Variants in KAT2B observed in about 807,000 individuals in gnomAD.
KAT2B encodes the protein lysine acetyltransferase 2B.
A neutral mutation model predicts 105.9 loss-of-function variants in KAT2B; 36 were observed. The ratio of observed to expected loss-of-function variants is 0.34; its 90% CI spans 0.26 to 0.45. KAT2B has a LOEUF of 0.45. KAT2B is among the 20% of genes least tolerant of loss of function. The pLI is 1.00. For synonymous variants in KAT2B, 397 were observed against 377.9 expected (o/e 1.05, Z -0.59); for missense variants, 820 against 1,021.6 (o/e 0.80, Z 2.69).
chr3:20,123,795 G>T (rs1379110360), intron 9 of KAT2B, among the ~76,000 whole-genome samples: 1 of 152,064 alleles, frequency 6.6e-6, no homozygotes, highest in Non-Finnish European at 1.5e-5. Context: ...TTTGTATAAG[G>T]TCCCTCTTTT....
At chr3:20,040,910 C>G in intron 1 of KAT2B, 130 bp downstream of exon 1, 1 of 1,147,584 alleles carries the variant, frequency 8.7e-7, no homozygotes, top group Non-Finnish European at 1.2e-6. Flanking sequence ...GCCGCTGCAC[C>G]GCGGAAGTGC....
At chr3:20,083,798 A>C (rs1030196037) in intron 2 of KAT2B, among the ~76,000 whole-genome samples, 3 of 152,208 alleles carry the variant, frequency 2.0e-5, no homozygotes, top group African/African-American at 7.2e-5. Flanking sequence ...AGGACACTAA[A>C]GGAATGAATG....
rs767211822 is a variant in KAT2B, at chr3:20,095,451, A to C, written c.576+43A>C. ...TAAAAACATTTTCTCTCATTATTCAAATGTACCCAGTCTCCATATGCCAGG... is the reference window on the plus strand; with the variant it reads ...TAAAAACATTTTCTCTCATTATTCACATGTACCCAGTCTCCATATGCCAGG... On this transcript the variant is annotated intron_variant, in intron 3 of 17. Coordinates refer to ENST00000263754, the MANE Select transcript of KAT2B (RefSeq NM_003884.5). 27 of 1,397,990 alleles carry C rather than the reference A, an allele frequency of 1.9e-5. No homozygotes were observed. The South Asian group carries it at 2.7e-4, about 14-fold the overall frequency. 86.6% of individuals were successfully genotyped at this position (1,397,990 alleles called of 1,614,324 possible).
At chr3:20,078,634 C>T (rs746884798) in intron 2 of KAT2B, among the ~76,000 whole-genome samples, 11 of 151,976 alleles carry the variant, frequency 7.2e-5, no homozygotes, top group Non-Finnish European at 1.3e-4. Flanking sequence ...CCACCTCGGC[C>T]TCCCGAAGTG....
At chr3:20,123,188 G>A (rs1426265024) in intron 9 of KAT2B, among the ~76,000 whole-genome samples, 3 of 152,048 alleles carry the variant, frequency 2.0e-5, no homozygotes, top group Non-Finnish European at 2.9e-5. Flanking sequence ...CTCCCCATAT[G>A]CTCTTTTTCT....
chr3:20,062,464 TTA>T (rs376524638), intron 1 of KAT2B, among the ~76,000 whole-genome samples: 8 of 126,384 alleles, frequency 6.3e-5, no homozygotes, highest in South Asian at 2.3e-4. Context: ...ATATTTTATT[TTA>T]TATATATATA....
chr3:20,077,150 A>T (rs534490796), intron 2 of KAT2B, among the ~76,000 whole-genome samples: 1 of 152,164 alleles, frequency 6.6e-6, no homozygotes, highest in Admixed American at 6.5e-5. Context: ...CTGATCAAGT[A>T]GAAAGAACAT....
intron 2 of KAT2B, among the ~76,000 whole-genome samples, chr3:20,081,913 T>TTA (rs1194942965): frequency 1.8e-5 from 2 of 111,908 alleles, no homozygotes; most frequent in Non-Finnish European, 3.6e-5. Context: ...ATAGAGAGTC[T>TTA]CATATATATA....
intron 5 of KAT2B, among the ~76,000 whole-genome samples, chr3:20,108,984 C>T (rs1434595684): frequency 6.6e-6 from 1 of 152,072 alleles, no homozygotes; most frequent in Admixed American, 6.5e-5. Flanking sequence ...TCCCTGGTGC[C>T]AAAAAAGTTG....
chr3:20,075,885 C>T (rs1049690073), intron 2 of KAT2B, among the ~76,000 whole-genome samples: 3 of 145,340 alleles, frequency 2.1e-5, no homozygotes, highest in Admixed American at 1.4e-4. Flanking sequence ...GCAGCCTGGG[C>T]GACAGAGCGA....
At chr3:20,110,035 T>TA (rs544230895) in intron 5 of KAT2B, among the ~76,000 whole-genome samples, 10 of 149,474 alleles carry the variant, frequency 6.7e-5, no homozygotes, top group Admixed American at 5.3e-4. Flanking sequence ...GAATAAGATT[T>TA]AAAAAAAAAA....
Position 20,136,983 on chromosome 3 carries a change from C to A in KAT2B, c.1791C>A (p.His597Gln), listed in dbSNP as rs1446544638. The change falls in exon 12 of 18, where the codon CAC (histidine) becomes CAA (glutamine). Residue 597 changes from histidine (H) to glutamine (Q), a missense_variant. Transcript: ENST00000263754. ...TGATGAATCATTTGAAAGAATATCA[C>A]ATAAAGCATGACATCCTGAACTTCC... ...THLMNHLKEYHIKHDILNFLT... is the reference protein window; with the variant it reads ...THLMNHLKEYQIKHDILNFLT... The A allele has an allele frequency of 6.2e-7, 1 of 1,609,770 alleles. No individual in the cohort carries two copies. Among genetic ancestry groups the A allele is most frequent in the Non-Finnish European group, 8.5e-7 (1 of 1,176,228 alleles).
chr3:20,148,356 C>T lies in KAT2B; in HGVS notation c.2221-47C>T, dbSNP rs373527888. 3 of 1,608,438 alleles carry T rather than the reference C, an allele frequency of 1.9e-6. No homozygotes were observed. The African/African-American group carries it at 4.0e-5, about 22-fold the overall frequency. ...ATGCAAATATTTTGAAATGATTTCCCACATGGAATTTCCATATTAGATACC... is the reference window on the plus strand; with the variant it reads ...ATGCAAATATTTTGAAATGATTTCCTACATGGAATTTCCATATTAGATACC... On this transcript the variant is annotated intron_variant, in intron 16 of 17. Coordinates refer to ENST00000263754, the MANE Select transcript of KAT2B (RefSeq NM_003884.5).
chr3:20,057,098 A>G (rs1028808457), intron 1 of KAT2B, among the ~76,000 whole-genome samples: 3 of 152,148 alleles, frequency 2.0e-5, no homozygotes, highest in Admixed American at 1.3e-4. Context: ...GGCCCTGGCA[A>G]TGAGAATGGA....
At chr3:20,105,251 A>T (rs1432069540) in intron 5 of KAT2B, among the ~76,000 whole-genome samples, 1 of 152,204 alleles carries the variant, frequency 6.6e-6, no homozygotes, top group Admixed American at 6.5e-5. Flanking sequence ...AATTGTGGTT[A>T]TAGAAAAAAA....
intron 2 of KAT2B, among the ~76,000 whole-genome samples, chr3:20,075,440 A>T (rs992649222): frequency 1.8e-4 from 27 of 151,728 alleles, no homozygotes; most frequent in Non-Finnish European, 3.1e-4. Context: ...GACATGACCT[A>T]CTTGGAGATA....
intron 2 of KAT2B, among the ~76,000 whole-genome samples, chr3:20,078,627 C>T (rs1209478044): frequency 6.6e-6 from 1 of 151,942 alleles, no homozygotes; most frequent in East Asian, 1.9e-4. Context: ...GATCTGCCCA[C>T]CTCGGCCTCC....
At chr3:20,083,527 T>G (rs1433280831) in intron 2 of KAT2B, among the ~76,000 whole-genome samples, 1 of 152,202 alleles carries the variant, frequency 6.6e-6, no homozygotes, top group Non-Finnish European at 1.5e-5. Context: ...AATCTAGAGA[T>G]AAGTTAAACA....
At chr3:20,148,053 C>A in intron 15 of KAT2B, 54 bp downstream of exon 15, 3 of 1,561,222 alleles carry the variant, frequency 1.9e-6, no homozygotes, top group Admixed American at 1.7e-5. Context: ...TTTTTCCCCA[C>A]CAAGCAACTT....
Sources: allele counts gnomAD v4.1 joint callset (sites outside exome capture counted in the v4.1 genomes callset), GRCh38; gene constraint gnomAD v4.1.1; transcripts MANE v1.5; gene names NCBI Gene and HGNC (gene_info 2026-07-23, HGNC 2026-07-21).